Variants in MTG2 observed in about 807,000 individuals in gnomAD.
The protein encoded by MTG2 is mitochondrial ribosome-associated GTPase 2.
In MTG2, 23 loss-of-function variants were observed where a neutral mutation model predicts 28.6. The ratio of observed to expected loss-of-function variants is 0.80; its 90% confidence interval spans 0.58 to 1.14. The LOEUF is 1.14. Ranked by LOEUF, MTG2 falls within the 50% of genes most tolerant of loss-of-function variation. The pLI is 0.00. For missense variants in MTG2, 539 were observed against 552.0 expected (o/e 0.98, Z 0.24); for synonymous variants, 260 against 251.8 (o/e 1.03, Z -0.31).
At chr20:62,195,654 T>C in intron 2 of MTG2, 148 bp from the exon 3 acceptor site, 3 of 959,632 alleles carry the variant, frequency 3.1e-6, no homozygotes, top group Non-Finnish European at 4.6e-6. Context: ...ATCTTCGGAA[T>C]TTAGAAGTGA....
At chr20:62,184,096 C>G (rs112247940) in intron 1 of MTG2, among the ~76,000 whole-genome samples, 1 of 152,224 alleles carries the variant, frequency 6.6e-6, no homozygotes, top group Non-Finnish European at 1.5e-5. Context: ...CGGTGGCTCA[C>G]GCCTGTAATC....
chr20:62,199,328 T>C, intron 6 of MTG2, 71 bp downstream of exon 6: 1 of 1,537,730 alleles, frequency 6.5e-7, no homozygotes, highest in South Asian at 1.2e-5. Context: ...GATGTAACTC[T>C]TAAATTTAGC....
chr20:62,197,853 T>G lies in MTG2; in HGVS notation c.354T>G (p.Val118=), dbSNP rs780568989. ...CTGAGATTCTTGTTCTTGCTTTAGTTGACCAGCAAGTCAAGTCCCTGTCGT... is the reference window on the plus strand; with the variant it reads ...CTGAGATTCTTGTTCTTGCTTTAGTGGACCAGCAAGTCAAGTCCCTGTCGT... The part of the protein sequence containing the change: ...GGNGGHVILR[V]DQQVKSLSSV... The change falls in exon 4 of 7, where the codon GTT becomes GTG. Residue 118 remains valine, a splice_region_variant and synonymous_variant. Coordinates refer to ENST00000370823, the MANE Select transcript of MTG2 (RefSeq NM_015666.4). The G allele has an allele frequency of 8.7e-6, 14 of 1,613,904 alleles. No individual in the cohort carries two copies. In the South Asian group the frequency reaches 1.4e-4, roughly 16 times the overall value.
chr20:62,189,395 G>A (rs887953505), intron 1 of MTG2, among the ~76,000 whole-genome samples: 3 of 151,982 alleles, frequency 2.0e-5, no homozygotes, highest in Non-Finnish European at 4.4e-5. Context: ...TAGCAGCTTT[G>A]AATTCATGGG....
chr20:62,194,015 G>A lies in MTG2; in HGVS notation c.204+391G>A, dbSNP rs185724392. 6.1e-3 allele frequency: 970 copies of A among 159,558 alleles called. 13 individuals are homozygous for A. The highest frequency in any genetic ancestry group is 0.022 in the African/African-American group (918 of 41,482). 9.9% of individuals were successfully genotyped at this position (159,558 alleles called of 1,614,324 possible). Reference sequence around the variant, plus strand: ...AACACTTTGGGAGGCTAAGGCAGGCGGATCACTTGAGGTCAGGAGTTCGAG... The same window carrying A: ...AACACTTTGGGAGGCTAAGGCAGGCAGATCACTTGAGGTCAGGAGTTCGAG... On this transcript the variant is annotated intron_variant, in intron 2 of 6. Transcript: ENST00000370823.
chr20:62,186,665 A>G (rs905851566), intron 1 of MTG2, among the ~76,000 whole-genome samples: 1 of 151,612 alleles, frequency 6.6e-6, no homozygotes, highest in Non-Finnish European at 1.5e-5. Context: ...AGTAGCCGGG[A>G]CTACAGGCAC....
intron 3 of MTG2, chr20:62,197,104 A>ACTTT (rs2058073601): frequency 6.6e-6 from 1 of 151,604 alleles, no homozygotes; most frequent in African/African-American, 2.4e-5. Flanking sequence ...CACCCAAAAA[A>ACTTT]GCAACTTTGA....
intron 3 of MTG2, among the ~76,000 whole-genome samples, chr20:62,196,706 C>G (rs2058065872): frequency 6.6e-6 from 1 of 151,752 alleles, no homozygotes. Context: ...AAAAAAAACC[C>G]TGATGTATGG....
chr20:62,187,926 G>A (rs1263380585), intron 1 of MTG2, among the ~76,000 whole-genome samples: 1 of 152,044 alleles, frequency 6.6e-6, no homozygotes, highest in East Asian at 1.9e-4. Flanking sequence ...TACCAAGGTA[G>A]CCATTAGAGC....
At chr20:62,194,804 G>A (rs888170711) in intron 2 of MTG2, among the ~76,000 whole-genome samples, 3 of 152,186 alleles carry the variant, frequency 2.0e-5, no homozygotes, top group African/African-American at 7.2e-5. Context: ...CTGGGCTGCG[G>A]GAGCTGACCC....
chr20:62,183,607 C>T (rs994486886), intron 1 of MTG2, among the ~76,000 whole-genome samples: 1 of 152,158 alleles, frequency 6.6e-6, no homozygotes, highest in Admixed American at 6.5e-5. Flanking sequence ...CCAGTGAGAG[C>T]GGGTTACCCG....
At chr20:62,185,293 T>C (rs181282395) in intron 1 of MTG2, among the ~76,000 whole-genome samples, 1,753 of 152,090 alleles carry the variant, frequency 0.012, 38 homozygotes, top group African/African-American at 0.04. Flanking sequence ...GCAGCTGTAA[T>C]CCCAGCTACT....
intron 2 of MTG2, 62 bp from the exon 3 acceptor site, chr20:62,195,740 C>T: frequency 1.9e-6 from 3 of 1,588,634 alleles, no homozygotes; most frequent in South Asian, 1.1e-5. Context: ...CAAATGGATG[C>T]ATGGTGTCTT....
rs138156304 is a variant in MTG2 at position 62,198,713 on chromosome 20, C to G, written c.548C>G (p.Ala183Gly). 6.2e-7 allele frequency: 1 copy of G among 1,614,030 alleles called. No individual in the cohort carries two copies. Reference protein sequence around the residue: ...LSCVGDEYIAALGGAGGKGNR... With the variant: ...LSCVGDEYIAGLGGAGGKGNR... ...TGCGTGGGAGATGAGTACATTGCCGCGCTGGGCGGGGCAGGAGGGAAAGGC... is the reference window on the plus strand; with the variant it reads ...TGCGTGGGAGATGAGTACATTGCCGGGCTGGGCGGGGCAGGAGGGAAAGGC... The change falls in exon 5 of 7, where the codon GCG (alanine) becomes GGG (glycine). Residue 183 changes from alanine to glycine, a missense_variant. By Grantham distance (60) the Ala-to-Gly change is moderately conservative (BLOSUM62 0). Transcript: ENST00000370823.
In MTG2 at chr20:62,201,959, G is replaced by A. The variant is rs917751522; in HGVS notation, c.*882G>A. On this transcript the variant is annotated 3_prime_UTR_variant, in exon 7 of 7. Transcript: ENST00000370823. ...AGGAGACGTGTGCCTGGTAATATGG[G>A]GCGGAATTTCCACTCAGCTCCATTT... is the stretch of plus-strand genomic sequence containing the variant. 1.3e-5 allele frequency: 2 copies of A among 152,266 alleles called. No homozygotes were observed. The highest frequency in any genetic ancestry group is 2.9e-5 in the Non-Finnish European group (2 of 68,094). The allele number at this position is 152,266 out of a possible 1,614,324, so 9.4% of individuals were successfully genotyped here.
chr20:62,198,300 C>G, intron 4 of MTG2: 1 of 522,300 alleles, frequency 1.9e-6, no homozygotes, highest in East Asian at 3.4e-5. Context: ...GCCACTGGCA[C>G]CCAGCGGGCC....
chr20:62,199,019 C>A, intron 5 of MTG2, 100 bp from the exon 6 acceptor site: 1 of 1,576,430 alleles, frequency 6.3e-7, no homozygotes, highest in South Asian at 1.1e-5. Context: ...TGTGACTCCC[C>A]CAGCCCTGAA....
intron 1 of MTG2, chr20:62,188,689 A>G (rs1483491956): frequency 1.3e-5 from 2 of 152,050 alleles, no homozygotes; most frequent in Non-Finnish European, 2.9e-5. Context: ...GATTATTTAT[A>G]GTACAATACA....
intron 2 of MTG2, chr20:62,194,066 C>G (rs1457956340): frequency 6.7e-6 from 1 of 150,010 alleles, no homozygotes; most frequent in East Asian, 2.0e-4. Context: ...ATGGTGAAAC[C>G]CTGTCTCTAC....
Sources: allele counts gnomAD v4.1 joint callset (sites outside exome capture counted in the v4.1 genomes callset), GRCh38; gene constraint gnomAD v4.1.1; transcripts MANE v1.5; gene names NCBI Gene and HGNC (gene_info 2026-07-23, HGNC 2026-07-21).